KDM4C: variants seen among roughly 807,000 people sequenced by gnomAD.
The protein encoded by KDM4C is lysine demethylase 4C, also known as lysine-specific demethylase 4C.
A neutral mutation model predicts 129.3 loss-of-function variants in KDM4C; 81 were observed. That is an observed-to-expected ratio of 0.63 (90% CI 0.52 to 0.75). The LOEUF is 0.75. Among genes scored for constraint, KDM4C ranks in the 30% least tolerant of loss-of-function variants. The pLI, the probability that KDM4C is intolerant of heterozygous loss-of-function variation, is 0.00. For missense variants in KDM4C, 1,457 were observed against 1,304.0 expected (o/e 1.12, Z -1.81); for synonymous variants, 573 against 456.1 (o/e 1.26, Z -3.26).
chr9:6,842,960 C>T (rs896098926), intron 4 of KDM4C, among the ~76,000 whole-genome samples: 1 of 152,130 alleles, frequency 6.6e-6, no homozygotes, highest in East Asian at 1.9e-4. Flanking sequence ...GACAGAGTCT[C>T]GCTCTGTTGC....
chr9:7,023,063 A>T (rs1825165932), intron 15 of KDM4C, among the ~76,000 whole-genome samples: 3 of 152,092 alleles, frequency 2.0e-5, no homozygotes, highest in South Asian at 4.1e-4. Flanking sequence ...ATTTTGTTGA[A>T]GATTTCTGCA....
At chr9:7,091,482 C>T (rs779129223) in intron 17 of KDM4C, among the ~76,000 whole-genome samples, 10 of 152,108 alleles carry the variant, frequency 6.6e-5, no homozygotes, top group Non-Finnish European at 1.3e-4. Context: ...AAATACACAT[C>T]CCCTATACTT....
chr9:6,832,919 A>G (rs1350267645), intron 4 of KDM4C, among the ~76,000 whole-genome samples: 3 of 147,330 alleles, frequency 2.0e-5, no homozygotes, highest in Non-Finnish European at 4.5e-5. Context: ...TTTTTTTAGT[A>G]GAGATGGGGT....
At chr9:6,891,351 A>T (rs1473060801) in intron 7 of KDM4C, among the ~76,000 whole-genome samples, 1 of 152,266 alleles carries the variant, frequency 6.6e-6, no homozygotes, top group Non-Finnish European at 1.5e-5. Context: ...GTACTGGCAC[A>T]TGCTACAACC....
chr9:6,916,367 T>G (rs940756917), intron 8 of KDM4C, among the ~76,000 whole-genome samples: 1 of 152,062 alleles, frequency 6.6e-6, no homozygotes, highest in Non-Finnish European at 1.5e-5. Flanking sequence ...TTTTTTTTTT[T>G]GAAACAGGGT....
intron 8 of KDM4C, among the ~76,000 whole-genome samples, chr9:6,962,043 G>A (rs138885253): frequency 1.9e-3 from 284 of 152,268 alleles, no homozygotes; most frequent in African/African-American, 6.4e-3. Context: ...TGTCAGAGTC[G>A]TGAGGAACCC....
chr9:6,917,041 G>A (rs570037361), intron 8 of KDM4C, among the ~76,000 whole-genome samples: 301 of 152,052 alleles, frequency 2.0e-3, no homozygotes, highest in African/African-American at 6.9e-3. Flanking sequence ...TTTTTTTGTT[G>A]TTGTTGTTCA....
At chr9:6,757,710 AC>A, upstream of KDM4C, 2 of 985,374 alleles carry the variant, frequency 2.0e-6, no homozygotes, top group Non-Finnish European at 1.2e-6. Flanking sequence ...GCCCTGCGGG[AC>A]CCCAGCCAGC....
intron 8 of KDM4C, among the ~76,000 whole-genome samples, chr9:6,919,273 G>GTCTGTC (rs1820979341): frequency 1.1e-4 from 4 of 37,094 alleles, no homozygotes; most frequent in African/African-American, 3.0e-4. Flanking sequence ...CTTTCTTTCT[G>GTCTGTC]TCTCTCTCTC....
intron 8 of KDM4C, among the ~76,000 whole-genome samples, chr9:6,965,329 T>G (rs1830766576): frequency 6.6e-6 from 1 of 151,668 alleles, no homozygotes; most frequent in South Asian, 2.1e-4. Context: ...GGTATATTTA[T>G]GACTAAATTA....
At chr9:6,784,011 C>T (rs972359625) in intron 1 of KDM4C, among the ~76,000 whole-genome samples, 2 of 151,786 alleles carry the variant, frequency 1.3e-5, no homozygotes, top group Admixed American at 6.6e-5. Context: ...GAAATTTGAG[C>T]ATCTGTAGGC....
chr9:6,859,560 C>A (rs533793321), intron 5 of KDM4C, among the ~76,000 whole-genome samples: 1 of 132,734 alleles, frequency 7.5e-6, no homozygotes, highest in African/African-American at 2.7e-5. Flanking sequence ...TTTTTTTTTG[C>A]CCCATTTTAA....
chr9:6,726,167 G>A (rs945402601), intron 1 of KDM4C, among the ~76,000 whole-genome samples: 4 of 151,472 alleles, frequency 2.6e-5, no homozygotes, highest in African/African-American at 7.3e-5. Context: ...CAGGCAATCC[G>A]CCTGCCTCAG....
rs990805917 is a variant in KDM4C, at chr9:7,090,899, C to T, written c.2425-12786C>T. Among the ~76,000 whole-genome samples, 14 of 152,330 alleles carry T rather than the reference C, an allele frequency of 9.2e-5. No homozygotes were observed. In the East Asian group the frequency reaches 1.5e-3, roughly 17 times the overall value. On this transcript the variant is annotated intron_variant, in intron 17 of 21. Coordinates refer to ENST00000381309, the MANE Select transcript of KDM4C (RefSeq NM_015061.6). ...ATTTCTCATATGTGACTACTGAGAA[C>T]TGTACTTTTCTTGCAAGGGGAAGAA... is the stretch of plus-strand genomic sequence containing the variant.
At chr9:7,091,623 A>G (rs879833391) in intron 17 of KDM4C, among the ~76,000 whole-genome samples, 19 of 152,264 alleles carry the variant, frequency 1.2e-4, no homozygotes, top group Admixed American at 7.2e-4. Context: ...AAAATACTTC[A>G]AAGTCCTGGC....
At chr9:6,929,657 A>C (rs1823302940) in intron 8 of KDM4C, among the ~76,000 whole-genome samples, 1 of 151,900 alleles carries the variant, frequency 6.6e-6, no homozygotes, top group Admixed American at 6.6e-5. Context: ...AGGAAACTGA[A>C]ACTCATGAAT....
chr9:6,949,768 T>G (rs1345760469), intron 8 of KDM4C, among the ~76,000 whole-genome samples: 1 of 151,902 alleles, frequency 6.6e-6, no homozygotes, highest in Non-Finnish European at 1.5e-5. Flanking sequence ...GGCAGGGAGG[T>G]TGCAGTGAGC....
At chr9:7,170,154 A>G in intron 21 of KDM4C, 1 of 1,340,064 alleles carries the variant, frequency 7.5e-7, no homozygotes, top group South Asian at 1.5e-5. Context: ...GCACAAAAAT[A>G]CTTACTGAAT....
intron 3 of KDM4C, among the ~76,000 whole-genome samples, chr9:6,809,752 A>C (rs1198941131): frequency 6.6e-6 from 1 of 152,214 alleles, no homozygotes; most frequent in Non-Finnish European, 1.5e-5. Flanking sequence ...TAATCCCAGC[A>C]CTTTGGGAAG....
Sources: gnomAD v4.1 joint callset for allele counts (sites outside exome capture counted in the v4.1 genomes callset) on GRCh38, gnomAD v4.1.1 for gene constraint, MANE v1.5 for transcripts, NCBI Gene and HGNC (gene_info 2026-07-23, HGNC 2026-07-21) for gene names.